LIMS1: variants seen among roughly 807,000 people sequenced by gnomAD.
LIMS1 encodes the protein LIM zinc finger domain containing 1.
LIMS1 carries 18 observed loss-of-function variants against 44.1 expected under a neutral mutation model. That is an observed-to-expected ratio of 0.41 (90% CI 0.28 to 0.61). LIMS1 has a LOEUF of 0.61. LIMS1 is among the 20% of genes least tolerant of loss of function. The pLI is 0.32. For synonymous variants in LIMS1, 93 were observed against 149.1 expected (o/e 0.62, Z 2.74); for missense variants, 201 against 422.0 (o/e 0.48, Z 4.59).
At chr2:108,586,679 A>G (rs1686120195) in intron 1 of LIMS1, among the ~76,000 whole-genome samples, 1 of 152,178 alleles carries the variant, frequency 6.6e-6, no homozygotes, top group South Asian at 2.1e-4. Flanking sequence ...ACTCAGAAAA[A>G]CATCCAGTTT....
At chr2:108,621,315 A>C in intron 1 of LIMS1, 1 of 1,549,888 alleles carries the variant, frequency 6.5e-7, no homozygotes, top group Non-Finnish European at 8.7e-7. Flanking sequence ...GCTGAGCATA[A>C]ATGCTTTAAA....
At chr2:108,642,421 G>A (rs1300413949) in intron 1 of LIMS1, among the ~76,000 whole-genome samples, 39 of 134,948 alleles carry the variant, frequency 2.9e-4, no homozygotes, top group South Asian at 2.5e-4. Context: ...GTGCAGTGGC[G>A]CGATCTCGGC....
At chr2:108,662,618 G>GAGAA (rs1691458116) in intron 2 of LIMS1, 1 of 991,696 alleles carries the variant, frequency 1.0e-6, no homozygotes, top group South Asian at 2.6e-5. Flanking sequence ...TTTCTTTTTG[G>GAGAA]TTAAATGATA....
chr2:108,636,213 CGCTG>C (rs1689240024), intron 1 of LIMS1, among the ~76,000 whole-genome samples: 1 of 152,210 alleles, frequency 6.6e-6, no homozygotes, highest in Non-Finnish European at 1.5e-5. Flanking sequence ...GCAGAAAAGT[CGCTG>C]GCACAGATTG....
chr2:108,540,627 T>C (rs1019344830), intron 1 of LIMS1, among the ~76,000 whole-genome samples: 2 of 152,246 alleles, frequency 1.3e-5, no homozygotes, highest in African/African-American at 2.4e-5. Context: ...TTATTTAACA[T>C]TTAAAAAGTG....
chr2:108,646,830 C>T (rs189212738), intron 1 of LIMS1, among the ~76,000 whole-genome samples: 7 of 152,262 alleles, frequency 4.6e-5, no homozygotes, highest in African/African-American at 1.7e-4. Context: ...CTCAGCCTCC[C>T]GAATAGCTGG....
intron 1 of LIMS1, among the ~76,000 whole-genome samples, chr2:108,634,694 G>T (rs1689115841): frequency 6.6e-6 from 1 of 152,188 alleles, no homozygotes; most frequent in South Asian, 2.1e-4. Context: ...AAAACAGGCG[G>T]CTGCTTCATT....
chr2:108,544,212 G>C (rs1684409640), intron 1 of LIMS1, among the ~76,000 whole-genome samples: 1 of 152,166 alleles, frequency 6.6e-6, no homozygotes, highest in African/African-American at 2.4e-5. Flanking sequence ...GAGGTGTATT[G>C]GTCATCGTAG....
chr2:108,647,925 T>TA (rs1690185396), intron 1 of LIMS1, among the ~76,000 whole-genome samples: 1 of 152,128 alleles, frequency 6.6e-6, no homozygotes, highest in African/African-American at 2.4e-5. Flanking sequence ...TGCCCTCTCT[T>TA]ACCACTCCTA....
chr2:108,557,268 T>C (rs766192851), intron 1 of LIMS1, among the ~76,000 whole-genome samples: 4 of 151,994 alleles, frequency 2.6e-5, no homozygotes, highest in Non-Finnish European at 4.4e-5. Flanking sequence ...GTAGAGACGG[T>C]GTCTCTCTAT....
At chr2:108,622,047 A>G (rs1197874707) in intron 1 of LIMS1, among the ~76,000 whole-genome samples, 1 of 152,200 alleles carries the variant, frequency 6.6e-6, no homozygotes, top group Non-Finnish European at 1.5e-5. Context: ...TTTTTGTTGC[A>G]ACTACTGAAA....
chr2:108,603,707 C>T (rs1280012136), intron 1 of LIMS1, among the ~76,000 whole-genome samples: 4 of 151,934 alleles, frequency 2.6e-5, no homozygotes, highest in African/African-American at 9.7e-5. Context: ...CCTGCTTTGG[C>T]CTCCCAAAGT....
intron 1 of LIMS1, among the ~76,000 whole-genome samples, chr2:108,583,102 G>T (rs1246782354): frequency 6.6e-6 from 1 of 151,906 alleles, no homozygotes; most frequent in African/African-American, 2.4e-5. Context: ...GCAGTGGCGT[G>T]ATCTCAGCTC....
intron 1 of LIMS1, among the ~76,000 whole-genome samples, chr2:108,647,406 T>C (rs1256118325): frequency 1.3e-5 from 2 of 152,190 alleles, no homozygotes; most frequent in Non-Finnish European, 2.9e-5. Flanking sequence ...GCTGGTACCA[T>C]TCCTTCTGAA....
At chr2:108,658,756 T>C (rs573769712) in intron 1 of LIMS1, among the ~76,000 whole-genome samples, 42 of 152,416 alleles carry the variant, frequency 2.8e-4, no homozygotes, top group Non-Finnish European at 5.0e-4. Context: ...CAGCAGTGGT[T>C]ACTTGACAAC....
chr2:108,674,172 CA>C (rs1405423498), intron 5 of LIMS1, among the ~76,000 whole-genome samples: 1 of 147,210 alleles, frequency 6.8e-6, no homozygotes, highest in Non-Finnish European at 1.5e-5. Flanking sequence ...CTAAAAAATA[CA>C]AAAAAAATTA....
chr2:108,553,025 C>G (rs1417932235), intron 1 of LIMS1, among the ~76,000 whole-genome samples: 1 of 152,164 alleles, frequency 6.6e-6, no homozygotes, highest in Non-Finnish European at 1.5e-5. Flanking sequence ...CAGGATGGCT[C>G]TGAAGAAGGT....
At chr2:108,667,551 A>AAAAATATATAT (rs765279788) in intron 2 of LIMS1, among the ~76,000 whole-genome samples, 118 of 130,468 alleles carry the variant, frequency 9.0e-4, no homozygotes, top group Non-Finnish European at 1.2e-3. Context: ...AAAAAAAAAA[A>AAAAATATATAT]ATATATATAT....
At chr2:108,612,705 T>G (rs1687721394) in intron 1 of LIMS1, among the ~76,000 whole-genome samples, 1 of 152,062 alleles carries the variant, frequency 6.6e-6, no homozygotes, top group African/African-American at 2.4e-5. Context: ...GAGGCTCCTT[T>G]CAGAACCCTC....
Sources: allele counts gnomAD v4.1 joint callset (sites outside exome capture counted in the v4.1 genomes callset), GRCh38; gene constraint gnomAD v4.1.1; transcripts MANE v1.5; gene names NCBI Gene and HGNC (gene_info 2026-07-23, HGNC 2026-07-21).